SLC25A13: variants seen among roughly 807,000 people sequenced by gnomAD.
SLC25A13 encodes the protein solute carrier family 25 member 13.
Under a neutral mutation model 85.5 loss-of-function variants are expected in SLC25A13, and 70 were observed. The ratio of observed to expected loss-of-function variants is 0.82; its 90% CI spans 0.68 to 1.00. The LOEUF (loss-of-function observed/expected upper bound fraction) is 1.00. SLC25A13 is among the 50% of genes least tolerant of loss of function. The probability of loss-of-function intolerance (pLI) is 0.00; values close to 1 mark genes in which losing one functional copy is unlikely to be tolerated. For synonymous variants in SLC25A13, 259 were observed against 288.7 expected (o/e 0.90, Z 1.04); for missense variants, 765 against 819.8 (o/e 0.93, Z 0.82).
At chr7:96,185,224 A>G (rs1794586165) in intron 9 of SLC25A13, among the ~76,000 whole-genome samples, 1 of 152,234 alleles carries the variant, frequency 6.6e-6, no homozygotes, top group Non-Finnish European at 1.5e-5. Flanking sequence ...CCAAATTTCA[A>G]TATAATCAAA....
At chr7:96,128,939 G>GCTCTCTCGCTCTCTCTCTCTCT (rs1791871399) in intron 15 of SLC25A13, among the ~76,000 whole-genome samples, 2 of 81,850 alleles carry the variant, frequency 2.4e-5, no homozygotes, top group African/African-American at 8.6e-5. Context: ...TGCCTTGCTT[G>GCTCTCTCGCTCTCTCTCTCTCT]CTCTCTCTCT....
chr7:96,306,120 G>A (rs190155368), intron 1 of SLC25A13, among the ~76,000 whole-genome samples: 83 of 152,314 alleles, frequency 5.4e-4, no homozygotes, highest in African/African-American at 1.8e-3. Context: ...CAGAGAGGTT[G>A]AGTAACTTCC....
chr7:96,200,715 A>G (rs1162637603), intron 5 of SLC25A13, among the ~76,000 whole-genome samples: 2 of 152,082 alleles, frequency 1.3e-5, no homozygotes, highest in Non-Finnish European at 2.9e-5. Flanking sequence ...TTCCATCTCA[A>G]TTTCCTTGCT....
chr7:96,316,135 T>C (rs1246354384), intron 1 of SLC25A13, among the ~76,000 whole-genome samples: 1 of 151,892 alleles, frequency 6.6e-6, no homozygotes, highest in Non-Finnish European at 1.5e-5. Context: ...AATATATATA[T>C]ATATATTATA....
chr7:96,271,760 G>A (rs920353783), intron 3 of SLC25A13, among the ~76,000 whole-genome samples: 4 of 151,908 alleles, frequency 2.6e-5, no homozygotes, highest in Non-Finnish European at 4.4e-5. Context: ...ATGTAAGGCT[G>A]TATTTTTGGA....
intron 1 of SLC25A13, among the ~76,000 whole-genome samples, chr7:96,318,559 G>A (rs532170686): frequency 3.9e-5 from 6 of 152,226 alleles, no homozygotes; most frequent in Admixed American, 2.0e-4. Flanking sequence ...GTTCATTCAC[G>A]AAAGAAAACA....
intron 3 of SLC25A13, among the ~76,000 whole-genome samples, chr7:96,276,688 T>A (rs192127048): frequency 1.5e-3 from 221 of 152,194 alleles, no homozygotes; most frequent in Non-Finnish European, 1.9e-3. Flanking sequence ...AAAAAAAGAA[T>A]CCAAAGGCAT....
intron 5 of SLC25A13, among the ~76,000 whole-genome samples, chr7:96,197,869 A>T (rs756637014): frequency 2.0e-5 from 3 of 152,192 alleles, no homozygotes; most frequent in Non-Finnish European, 4.4e-5. Context: ...AAGTAAAAAA[A>T]ATATTAGGCT....
intron 15 of SLC25A13, 29 bp downstream of exon 15, chr7:96,131,714 A>C: frequency 6.2e-7 from 1 of 1,613,186 alleles, no homozygotes; most frequent in Non-Finnish European, 8.5e-7. Flanking sequence ...GGGTCAGGGA[A>C]GTAAGAGAAC....
chr7:96,295,008 C>T (rs1436509807), intron 2 of SLC25A13, among the ~76,000 whole-genome samples: 1 of 152,128 alleles, frequency 6.6e-6, no homozygotes, highest in Non-Finnish European at 1.5e-5. Flanking sequence ...ATGCAGGACA[C>T]CTTTCATATA....
intron 5 of SLC25A13, among the ~76,000 whole-genome samples, chr7:96,197,128 T>G (rs1244481268): frequency 6.6e-6 from 1 of 152,172 alleles, no homozygotes; most frequent in Non-Finnish European, 1.5e-5. Context: ...CTCCTAATAC[T>G]TCACTCAACT....
chr7:96,204,286 G>A (rs757390802), intron 5 of SLC25A13, among the ~76,000 whole-genome samples: 1 of 152,100 alleles, frequency 6.6e-6, no homozygotes, highest in Non-Finnish European at 1.5e-5. Context: ...TTTTGAAAGT[G>A]ACTCAGTACT....
intron 13 of SLC25A13, among the ~76,000 whole-genome samples, chr7:96,162,935 AC>A (rs1215336875): frequency 6.6e-6 from 1 of 152,100 alleles, no homozygotes; most frequent in Admixed American, 6.5e-5. Context: ...GCCCCCTGCT[AC>A]CAGAAGCAAT....
At chr7:96,282,081 T>C (rs889252042) in intron 2 of SLC25A13, among the ~76,000 whole-genome samples, 1 of 152,204 alleles carries the variant, frequency 6.6e-6, no homozygotes, top group Non-Finnish European at 1.5e-5. Flanking sequence ...TTTTCACTAG[T>C]GAGCTGAAGC....
intron 3 of SLC25A13, among the ~76,000 whole-genome samples, chr7:96,241,263 C>T (rs778339594): frequency 1.3e-5 from 2 of 152,116 alleles, no homozygotes; most frequent in African/African-American, 4.8e-5. Context: ...CAAAAAAACA[C>T]CTCTTTACTC....
At chr7:96,204,314 G>C (rs1795375847) in intron 5 of SLC25A13, among the ~76,000 whole-genome samples, 1 of 152,076 alleles carries the variant, frequency 6.6e-6, no homozygotes, top group Non-Finnish European at 1.5e-5. Context: ...CAATAATTTG[G>C]TAGAAAAGTT....
intron 13 of SLC25A13, among the ~76,000 whole-genome samples, chr7:96,151,127 C>T (rs1299529794): frequency 6.6e-6 from 1 of 152,052 alleles, no homozygotes; most frequent in Non-Finnish European, 1.5e-5. Flanking sequence ...GAGAAAGGCA[C>T]AAAGGAACAG....
intron 13 of SLC25A13, among the ~76,000 whole-genome samples, chr7:96,165,964 A>G (rs1386820273): frequency 6.6e-6 from 1 of 152,252 alleles, no homozygotes; most frequent in Non-Finnish European, 1.5e-5. Flanking sequence ...GTGGCTGGAC[A>G]AACTGGCATA....
At chr7:96,290,785 C>T (rs1799088563) in intron 2 of SLC25A13, among the ~76,000 whole-genome samples, 1 of 152,084 alleles carries the variant, frequency 6.6e-6, no homozygotes, top group South Asian at 2.1e-4. Context: ...AAAGCAAGTC[C>T]TGAGTGACCT....
Sources: allele counts gnomAD v4.1 joint callset (sites outside exome capture counted in the v4.1 genomes callset), GRCh38; gene constraint gnomAD v4.1.1; transcripts MANE v1.5; gene names NCBI Gene and HGNC (gene_info 2026-07-23, HGNC 2026-07-21).